UBN2: variants seen among roughly 807,000 people sequenced by gnomAD.
UBN2 encodes ubinuclein-2.
UBN2 carries 35 observed loss-of-function variants against 120.2 expected under a neutral mutation model. The ratio of observed to expected loss-of-function variants is 0.29; its 90% CI spans 0.22 to 0.39. The LOEUF (loss-of-function observed/expected upper bound fraction) is 0.39. UBN2 is among the 10% of genes least tolerant of loss of function. UBN2 has a pLI of 1.00. For missense variants in UBN2, 1,693 were observed against 1,663.2 expected, an observed-to-expected ratio of 1.02 and a Z score of -0.31; for synonymous variants, 661 against 648.7, an observed-to-expected ratio of 1.02 and a Z score of -0.29.
intron 1 of UBN2, 22 bp from the exon 2 acceptor site, chr7:139,236,983 T>G (rs759767198): frequency 6.5e-7 from 1 of 1,531,024 alleles, no homozygotes; most frequent in South Asian, 1.2e-5. Flanking sequence ...TTCTCTTTCT[T>G]TTCCCATTCA....
chr7:139,272,988 G>C (rs2131010883), intron 9 of UBN2, among the ~76,000 whole-genome samples: 1 of 152,304 alleles, frequency 6.6e-6, no homozygotes, highest in South Asian at 2.1e-4. Context: ...TGATTGTATG[G>C]AGGTGATCAA....
chr7:139,286,630 C>T (rs1797796799), intron 15 of UBN2, among the ~76,000 whole-genome samples: 1 of 151,670 alleles, frequency 6.6e-6, no homozygotes, highest in South Asian at 2.1e-4. Flanking sequence ...TATAATATTT[C>T]GTTTTATAAC....
the UBN2 span, among the ~76,000 whole-genome samples, chr7:139,326,524 G>A: frequency 2.6e-5 from 4 of 152,182 alleles, no homozygotes; most frequent in East Asian, 3.9e-4. Context: ...CCCACCTCTC[G>A]AACAGAAGCT....
At chr7:139,250,546 CAAA>C (rs528405943) in intron 2 of UBN2, among the ~76,000 whole-genome samples, 1 of 136,782 alleles carries the variant, frequency 7.3e-6, no homozygotes. Flanking sequence ...GACCCTGTAT[CAAA>C]AAAAAAAAAA....
At chr7:139,313,415 C>G in the UBN2 span, among the ~76,000 whole-genome samples, 5 of 152,266 alleles carry the variant, frequency 3.3e-5, no homozygotes, top group East Asian at 9.6e-4. Context: ...CTAAGGAATG[C>G]TATTGATCCT....
intron 2 of UBN2, among the ~76,000 whole-genome samples, chr7:139,246,913 C>G (rs987063827): frequency 6.6e-6 from 1 of 152,188 alleles, no homozygotes; most frequent in African/African-American, 2.4e-5. Context: ...CAGTAATCCA[C>G]TGTATTCCTA....
Position 139,231,394 on chromosome 7 carries a change from A to C in UBN2, c.-91A>C. The C allele has an allele frequency of 9.1e-7, 1 of 1,096,040 alleles. No individual in the cohort carries two copies. The highest frequency in any genetic ancestry group is 1.2e-6 in the Non-Finnish European group (1 of 857,968). The allele number at this position is 1,096,040 out of a possible 1,614,324, so 67.9% of individuals were successfully genotyped here. Reference sequence around the variant, plus strand: ...GAGGGTGGTGGAGGGAAGAAAAGCGACAGAGAGCAAGAGGAAGGGCGGGCA... The same window carrying C: ...GAGGGTGGTGGAGGGAAGAAAAGCGCCAGAGAGCAAGAGGAAGGGCGGGCA... On this transcript the variant is annotated 5_prime_UTR_variant, in exon 1 of 18. Transcript: ENST00000473989.
rs1457680036 is a variant in UBN2 at position 139,298,027 on chromosome 7, C to CT, written c.*195dup. 1.2e-5 allele frequency: 7 copies of CT among 594,400 alleles called. No individual in the cohort carries two copies. Among genetic ancestry groups the CT allele is most frequent in the Non-Finnish European group, 2.1e-5 (7 of 341,268 alleles). The allele number at this position is 594,400 out of a possible 1,614,324, so 36.8% of individuals were successfully genotyped here. The stretch of plus-strand genomic sequence containing the variant: ...AAGCCAGGTGCAGGAGGAAGAAATG[C>CT]TTTTGTGCAAAGTTAGTGACCTTTG... On this transcript the variant is annotated 3_prime_UTR_variant, in exon 18 of 18. Transcript: ENST00000473989.
At chr7:139,262,815 C>G (rs1796980096) in intron 6 of UBN2, among the ~76,000 whole-genome samples, 1 of 151,904 alleles carries the variant, frequency 6.6e-6, no homozygotes, top group African/African-American at 2.4e-5. Flanking sequence ...TCACCTGACT[C>G]CAGAGTAGGT....
rs768624858 is a variant in UBN2 at position 139,261,295 on chromosome 7, C to T, written c.949C>T (p.Arg317Cys). Residue 317 changes from arginine to cysteine, a missense_variant, in exon 6 of 18, where the codon CGT becomes TGT. Physicochemically the swap from Arg to Cys is radical, Grantham distance 180 (BLOSUM62 -3). Transcript: ENST00000473989. ...ACACAAGTCTGAAAAAAAGAAGAAA[C>T]GTTATAAAGATTCTCTTTCTCTAGC... ...NSHKSEKKKK[R>C]YKDSLSLAAM... The T allele has an allele frequency of 1.6e-5, 26 of 1,610,854 alleles. No individual in the cohort carries two copies. In the East Asian group the frequency reaches 3.3e-4, roughly 21 times the overall value.
intron 16 of UBN2, 126 bp downstream of exon 16, chr7:139,293,589 TAAGAAA>T: frequency 1.2e-6 from 1 of 838,242 alleles, no homozygotes; most frequent in Non-Finnish European, 1.8e-6. Context: ...TTTTTTTTTT[TAAGAAA>T]TGCAGTTTAT....
At chr7:139,330,003 G>A in the UBN2 span, among the ~76,000 whole-genome samples, 1 of 152,146 alleles carries the variant, frequency 6.6e-6, no homozygotes, top group East Asian at 1.9e-4. Context: ...TCTCATGCTG[G>A]CTCCACAAGG....
At chr7:139,318,986 A>G in the UBN2 span, among the ~76,000 whole-genome samples, 1 of 152,176 alleles carries the variant, frequency 6.6e-6, no homozygotes, top group Non-Finnish European at 1.5e-5. Flanking sequence ...GCCTTTTCTC[A>G]GCAAGGTCAG....
At chr7:139,280,099 CT>C (rs756592488) in intron 13 of UBN2, among the ~76,000 whole-genome samples, 5 of 152,192 alleles carry the variant, frequency 3.3e-5, no homozygotes, top group African/African-American at 4.8e-5. Context: ...AGCAAATTCT[CT>C]TTGGTATAAC....
intron 6 of UBN2, among the ~76,000 whole-genome samples, chr7:139,266,096 A>G (rs1203507545): frequency 4.0e-5 from 6 of 150,222 alleles, no homozygotes; most frequent in Admixed American, 4.0e-4. Context: ...ATCTCAAAGT[A>G]ATTGTTTATT....
At chr7:139,236,642 G>T (rs1318811385) in intron 1 of UBN2, among the ~76,000 whole-genome samples, 1 of 151,950 alleles carries the variant, frequency 6.6e-6, no homozygotes, top group Non-Finnish European at 1.5e-5. Context: ...TGCAGGTGAA[G>T]ACAATTTGGA....
At chr7:139,243,277 T>C (rs1475910094) in intron 2 of UBN2, among the ~76,000 whole-genome samples, 2 of 152,156 alleles carry the variant, frequency 1.3e-5, no homozygotes, top group South Asian at 2.1e-4. Flanking sequence ...ACTTTAGATA[T>C]AGCAAAATTC....
At chr7:139,317,282 C>T in the UBN2 span, among the ~76,000 whole-genome samples, 1 of 152,134 alleles carries the variant, frequency 6.6e-6, no homozygotes, top group African/African-American at 2.4e-5. Context: ...CCAGTCCTCC[C>T]ACCTCAGCCT....
chr7:139,324,296 G>A, the UBN2 span, among the ~76,000 whole-genome samples: 8 of 152,246 alleles, frequency 5.3e-5, no homozygotes, highest in African/African-American at 1.4e-4. Context: ...TTGGCTGGGC[G>A]TGGTGGCTCA....
Sources: allele counts gnomAD v4.1 joint callset (sites outside exome capture counted in the v4.1 genomes callset), GRCh38; gene constraint gnomAD v4.1.1; transcripts MANE v1.5; gene names NCBI Gene and HGNC (gene_info 2026-07-23, HGNC 2026-07-21).